Variants in SEPTIN2 observed in about 807,000 individuals in gnomAD.
SEPTIN2 encodes septin 2.
In SEPTIN2, 34 loss-of-function variants were observed where a neutral mutation model predicts 46.5. The ratio of observed to expected loss-of-function variants is 0.73; its 90% CI spans 0.56 to 0.97. The LOEUF (loss-of-function observed/expected upper bound fraction) is 0.97. SEPTIN2 is among the 50% of genes least tolerant of loss of function. SEPTIN2 has a pLI of 0.00. For synonymous variants in SEPTIN2, 175 were observed against 153.4 expected, an observed-to-expected ratio of 1.14 and a Z score of -1.04; for missense variants, 347 against 448.4, an observed-to-expected ratio of 0.77 and a Z score of 2.04.
intron 3 of SEPTIN2, among the ~76,000 whole-genome samples, chr2:241,328,435 A>T (rs2078374554): frequency 6.6e-6 from 1 of 151,624 alleles, no homozygotes; most frequent in Admixed American, 6.6e-5. Context: ...CGTCTCAAAA[A>T]ATAAAATTAA....
rs2080265017 is a variant in SEPTIN2, at chr2:241,337,689, G to A, written c.493G>A (p.Val165Met). The stretch of plus-strand genomic sequence containing the variant: ...TAATTTTAGACTTAAGCCCTTAGAT[G>A]TGGCGTTTATGAAGGCAATACACAA... Reference protein sequence around the residue: ...PFGHGLKPLDVAFMKAIHNKV... With the variant: ...PFGHGLKPLDMAFMKAIHNKV... Residue 165 changes from valine to methionine, a missense_variant, in exon 7 of 13, where the codon GTG becomes ATG. By Grantham distance (21) the Val-to-Met change is conservative. Coordinates refer to ENST00000391971, the MANE Select transcript of SEPTIN2 (RefSeq NM_004404.5). 1 of 1,613,662 alleles carries A rather than the reference G, an allele frequency of 6.2e-7. No homozygotes were observed. The highest frequency in any genetic ancestry group is 8.5e-7 in the Non-Finnish European group (1 of 1,179,752).
chr2:241,331,450 G>A (rs1410549742), intron 3 of SEPTIN2, among the ~76,000 whole-genome samples: 1 of 152,172 alleles, frequency 6.6e-6, no homozygotes, highest in Non-Finnish European at 1.5e-5. Flanking sequence ...AGGCTAGAGT[G>A]CAATGGTATG....
chr2:241,338,665 CTATATTATTTATATTACATATGTAATA>C (rs1559641701), intron 7 of SEPTIN2, among the ~76,000 whole-genome samples: 1 of 112,156 alleles, frequency 8.9e-6, no homozygotes, highest in African/African-American at 3.4e-5. Context: ...TATATTATAT[CTATATTATTTATATTACATATGTAATA>C]TATATTATAT....
chr2:241,351,387 A>AC (rs1309330224), intron 12 of SEPTIN2: 1 of 152,112 alleles, frequency 6.6e-6, no homozygotes, highest in African/African-American at 2.4e-5. Flanking sequence ...CATCCATGTC[A>AC]CCCCCAACTG....
intron 3 of SEPTIN2, among the ~76,000 whole-genome samples, chr2:241,334,143 G>A (rs79993890): frequency 0.011 from 1,599 of 152,142 alleles, 27 homozygotes; most frequent in African/African-American, 0.037. Flanking sequence ...TAAAGTGCTG[G>A]GATTATAGGT....
intron 3 of SEPTIN2, among the ~76,000 whole-genome samples, chr2:241,334,441 C>G (rs754030655): frequency 2.6e-5 from 4 of 152,158 alleles, no homozygotes; most frequent in Non-Finnish European, 5.9e-5. Flanking sequence ...CACAGTAGTT[C>G]AAGAGAGATT....
chr2:241,321,229 C>T (rs1051592509), intron 1 of SEPTIN2, among the ~76,000 whole-genome samples: 4 of 151,890 alleles, frequency 2.6e-5, no homozygotes, highest in African/African-American at 7.3e-5. Context: ...TGAATCTGTC[C>T]GGTTCTCAGA....
intron 1 of SEPTIN2, chr2:241,316,819 T>G: frequency 3.0e-6 from 1 of 334,102 alleles, no homozygotes. Context: ...CTTTGGCCAT[T>G]GCCCAAACTC....
At chr2:241,315,398 G>A (rs2076026863), upstream of SEPTIN2, 1 of 151,954 alleles carries the variant, frequency 6.6e-6, no homozygotes, top group Non-Finnish European at 1.5e-5. Flanking sequence ...CCATCTTCTT[G>A]GAGGACAGGA....
At chr2:241,338,771 T>TATATTATATTTATATTATTTATAATAC (rs2080608102) in intron 7 of SEPTIN2, among the ~76,000 whole-genome samples, 1 of 43,944 alleles carries the variant, frequency 2.3e-5, no homozygotes, top group African/African-American at 7.0e-5. Context: ...ATTGTTTATA[T>TATATTATATTTATATTATTTATAATAC]ATATTATATT....
intron 11 of SEPTIN2, among the ~76,000 whole-genome samples, chr2:241,348,812 T>G (rs2060513394): frequency 6.6e-6 from 1 of 152,198 alleles, no homozygotes; most frequent in Middle Eastern, 3.2e-3. Context: ...GTTGTAAAGG[T>G]GGCATTCAGA....
Position 241,324,247 on chromosome 2 carries a change from A to T in SEPTIN2, c.9+6A>T. 1 of 1,609,284 alleles carries T rather than the reference A, an allele frequency of 6.2e-7. No homozygotes were observed. The highest frequency in any genetic ancestry group is 8.5e-7 in the Non-Finnish European group (1 of 1,177,834). On this transcript the variant is annotated splice_donor_region_variant and intron_variant, in intron 2 of 12. Coordinates refer to ENST00000391971, the MANE Select transcript of SEPTIN2 (RefSeq NM_004404.5). Reference sequence around the variant, plus strand: ...CTTCACAAAAGATGTCTAAGGTAAGATCATACTTCATGTATCTACAGCATA... The same window carrying T: ...CTTCACAAAAGATGTCTAAGGTAAGTTCATACTTCATGTATCTACAGCATA...
chr2:241,350,228 G>GTCTTCCA, intron 12 of SEPTIN2, 25 bp downstream of exon 12: 1 of 1,356,330 alleles, frequency 7.4e-7, no homozygotes, highest in Non-Finnish European at 1.0e-6. Context: ...CCCTTAGCCT[G>GTCTTCCA]GAAGACAGGC....
chr2:241,318,615 G>C (rs2076713051), intron 1 of SEPTIN2, among the ~76,000 whole-genome samples: 2 of 151,590 alleles, frequency 1.3e-5, no homozygotes, highest in Non-Finnish European at 2.9e-5. Context: ...TTTGTTGCTG[G>C]TACTTGACTT....
At chr2:241,350,229 G>GGCT in intron 12 of SEPTIN2, 26 bp downstream of exon 12, 1 of 1,338,382 alleles carries the variant, frequency 7.5e-7, no homozygotes, top group Non-Finnish European at 1.0e-6. Flanking sequence ...CCTTAGCCTG[G>GGCT]AAGACAGGCA....
chr2:241,321,559 G>T (rs1047822034), intron 1 of SEPTIN2, among the ~76,000 whole-genome samples: 1 of 151,764 alleles, frequency 6.6e-6, no homozygotes, highest in African/African-American at 2.4e-5. Context: ...ATAGCTGGAC[G>T]GTTTGTTGTT....
chr2:241,352,537 A>G lies in SEPTIN2; in HGVS notation c.*600A>G, dbSNP rs890126839. 6.6e-6 allele frequency: 1 copy of G among 152,666 alleles called. No individual in the cohort carries two copies. Among genetic ancestry groups the G allele is most frequent in the Non-Finnish European group, 1.5e-5 (1 of 68,054 alleles). 9.5% of individuals were successfully genotyped at this position (152,666 alleles called of 1,614,324 possible). A position where few individuals can be genotyped will look rare whatever the true frequency, so the allele number is the denominator to read the frequency against. ...CGATTTTATCTGTTAACCAAATAAA[A>G]CATAATAGAATTTCCTAATGAGATA... On this transcript the variant is annotated 3_prime_UTR_variant, in exon 13 of 13. Transcript: ENST00000391971.
At position 241,353,420 on chromosome 2, in the gene SEPTIN2, A is replaced by C. The variant is rs1444744130; in HGVS notation, c.*1483A>C. 6.6e-6 allele frequency: 1 copy of C among 152,260 alleles called. No homozygotes were observed. 9.4% of individuals were successfully genotyped at this position (152,260 alleles called of 1,614,324 possible). ...AGATGAAAGGAGACAATGGTTGTGT[A>C]GGGAGATGGAGAAAATGCTTAATCT... On this transcript the variant is annotated 3_prime_UTR_variant, in exon 13 of 13. Transcript: ENST00000391971.
chr2:241,340,673 C>G (rs1171654017), intron 7 of SEPTIN2, among the ~76,000 whole-genome samples: 1 of 152,170 alleles, frequency 6.6e-6, no homozygotes, highest in Non-Finnish European at 1.5e-5. Context: ...ATTCTAATCT[C>G]TAATCCTGTA....
Sources: gnomAD v4.1 joint callset for allele counts (sites outside exome capture counted in the v4.1 genomes callset) on GRCh38, gnomAD v4.1.1 for gene constraint, MANE v1.5 for transcripts, NCBI Gene and HGNC (gene_info 2026-07-23, HGNC 2026-07-21) for gene names.